The following PDE1C variants were observed in gnomAD, a reference collection of about 807,000 sequenced individuals.
The protein encoded by PDE1C is dual specificity calcium/calmodulin-dependent 3',5'-cyclic nucleotide phosphodiesterase 1C.
Under a neutral mutation model 93.1 loss-of-function variants are expected in PDE1C, and 62 were observed. That is an observed-to-expected ratio of 0.67 (90% CI 0.54 to 0.82). The LOEUF is 0.82. PDE1C is among the 40% of genes least tolerant of loss of function. The probability of loss-of-function intolerance (pLI) is 0.00; values close to 1 mark genes in which losing one functional copy is unlikely to be tolerated. For missense variants in PDE1C, 742 were observed against 884.6 expected (o/e 0.84, Z 2.04); for synonymous variants, 325 against 310.1 (o/e 1.05, Z -0.50).
intron 1 of PDE1C, among the ~76,000 whole-genome samples, chr7:32,380,199 A>G (rs1784507077): frequency 6.6e-6 from 1 of 151,472 alleles, no homozygotes; most frequent in Admixed American, 6.6e-5. Context: ...GTCTACAATT[A>G]TTGTCCTCCA....
the PDE1C span, among the ~76,000 whole-genome samples, chr7:31,705,727 G>A: frequency 2.2e-5 from 3 of 134,984 alleles, no homozygotes; most frequent in African/African-American, 5.6e-5. Flanking sequence ...TTTATGAAAT[G>A]CTTCATGGAC....
upstream of PDE1C, among the ~76,000 whole-genome samples, chr7:32,299,992 C>T (rs1344736640): frequency 6.6e-6 from 1 of 152,102 alleles, no homozygotes; most frequent in African/African-American, 2.4e-5. Context: ...GAACACTTGC[C>T]AATAATAAGA....
At chr7:31,801,521 A>G (rs1316567883) in intron 16 of PDE1C, among the ~76,000 whole-genome samples, 1 of 151,510 alleles carries the variant, frequency 6.6e-6, no homozygotes, top group African/African-American at 2.4e-5. Context: ...TGTCAAGTTG[A>G]TTGACAGTGT....
intron 2 of PDE1C, among the ~76,000 whole-genome samples, chr7:31,896,445 A>G (rs559188891): frequency 2.6e-5 from 4 of 152,174 alleles, no homozygotes; most frequent in South Asian, 4.1e-4. Flanking sequence ...GTAAGGATTT[A>G]TTCCCACCAC....
exon 3 of PDE1C, chr7:32,169,817 A>G (rs1297439486): frequency 1.2e-5 from 19 of 1,612,708 alleles, no homozygotes; most frequent in Non-Finnish European, 1.6e-5. Flanking sequence ...CTTCTGGGCT[A>G]TCCAGCTGTG....
chr7:31,885,941 A>C (rs192496628), intron 2 of PDE1C, among the ~76,000 whole-genome samples: 318 of 152,300 alleles, frequency 2.1e-3, no homozygotes, highest in African/African-American at 7.1e-3. Flanking sequence ...CTATAAAAAG[A>C]AGCTATGGAA....
chr7:32,145,473 C>T (rs1350496467), intron 3 of PDE1C, among the ~76,000 whole-genome samples: 1 of 152,064 alleles, frequency 6.6e-6, no homozygotes, highest in Non-Finnish European at 1.5e-5. Context: ...ATGAGGATTC[C>T]CGTCTGAGCA....
the PDE1C span, among the ~76,000 whole-genome samples, chr7:31,688,948 T>C: frequency 2.0e-5 from 3 of 152,228 alleles, no homozygotes; most frequent in East Asian, 1.9e-4. Flanking sequence ...ACAAACTCAT[T>C]TGGTAGCAAA....
Position 32,005,578 on chromosome 7 carries a change from A to AAAAAAAAAAAAAAAAAAC in PDE1C, c.128+45975_128+45976insGTTTTTTTTTTTTTTTTT, listed in dbSNP as rs1204630246. ...TTCAAAAAAAAAAAAAAAAAAAAAA[A>AAAAAAAAAAAAAAAAAAC]AAAGAATTGTGATCTGAGAAATCAC... is the stretch of plus-strand genomic sequence containing the variant. On this transcript the variant is annotated intron_variant, in intron 2 of 17. Transcript: ENST00000396191. Among the ~76,000 whole-genome samples, 73 of 103,784 alleles carry AAAAAAAAAAAAAAAAAAC rather than the reference A, an allele frequency of 7.0e-4. 13 individuals are homozygous for AAAAAAAAAAAAAAAAAAC. Among genetic ancestry groups the AAAAAAAAAAAAAAAAAAC allele is most frequent in the Non-Finnish European group, 1.1e-3 (55 of 49,892 alleles). 68.1% of individuals were successfully genotyped at this position (103,784 alleles called of 152,430 possible).
At chr7:31,713,906 C>T in the PDE1C span, among the ~76,000 whole-genome samples, 2,880 of 152,218 alleles carry the variant, frequency 0.019, 109 homozygotes, top group African/African-American at 0.065. Flanking sequence ...CCCACAAAAC[C>T]ATTTTTCCTT....
chr7:31,694,631 G>C, the PDE1C span, among the ~76,000 whole-genome samples: 8 of 152,208 alleles, frequency 5.3e-5, no homozygotes, highest in Admixed American at 3.3e-4. Context: ...CTCCAGAAAG[G>C]CTGTGTCTGG....
At chr7:32,008,452 G>A (rs1786572737) in intron 2 of PDE1C, among the ~76,000 whole-genome samples, 1 of 152,166 alleles carries the variant, frequency 6.6e-6, no homozygotes, top group Admixed American at 6.5e-5. Flanking sequence ...AGTCTCTGAT[G>A]AACTACACTC....
chr7:32,238,433 T>G (rs577951265), intron 1 of PDE1C, among the ~76,000 whole-genome samples: 5 of 152,244 alleles, frequency 3.3e-5, no homozygotes, highest in Non-Finnish European at 7.3e-5. Context: ...ATATTTTAAC[T>G]AAGTGTTTGT....
At chr7:31,680,101 A>C in the PDE1C span, among the ~76,000 whole-genome samples, 1 of 152,148 alleles carries the variant, frequency 6.6e-6, no homozygotes, top group Non-Finnish European at 1.5e-5. Context: ...TCTTTAGTAC[A>C]CTTACTTAAT....
intron 1 of PDE1C, among the ~76,000 whole-genome samples, chr7:32,061,424 G>A (rs1794784486): frequency 6.6e-6 from 1 of 152,258 alleles, no homozygotes; most frequent in Admixed American, 6.5e-5. Context: ...ACAAGGCCCA[G>A]CCATATCCAT....
At chr7:31,964,516 C>G (rs532079290) in intron 2 of PDE1C, among the ~76,000 whole-genome samples, 1 of 152,232 alleles carries the variant, frequency 6.6e-6, no homozygotes, top group African/African-American at 2.4e-5. Flanking sequence ...CCTCTGTAGG[C>G]TCCACCTTTG....
intron 1 of PDE1C, among the ~76,000 whole-genome samples, chr7:32,304,925 C>T (rs117521039): frequency 3.0e-3 from 453 of 152,194 alleles, no homozygotes; most frequent in Middle Eastern, 6.8e-3. Flanking sequence ...GTCCCTTTTG[C>T]GCTTCTGTTT....
chr7:32,384,884 T>C (rs1784595743), intron 1 of PDE1C, among the ~76,000 whole-genome samples: 1 of 152,218 alleles, frequency 6.6e-6, no homozygotes. Flanking sequence ...TCCCACATGA[T>C]GCCAATGGTG....
At chr7:31,841,921 C>CA (rs1229708762) in intron 9 of PDE1C, among the ~76,000 whole-genome samples, 1 of 152,076 alleles carries the variant, frequency 6.6e-6, no homozygotes, top group Non-Finnish European at 1.5e-5. Flanking sequence ...AGTTCAAAGA[C>CA]AGGCAAAAAG....
Sources: gnomAD v4.1 joint callset for allele counts (sites outside exome capture counted in the v4.1 genomes callset) on GRCh38, gnomAD v4.1.1 for gene constraint, MANE v1.5 for transcripts, NCBI Gene and HGNC (gene_info 2026-07-23, HGNC 2026-07-21) for gene names.